LIMS2: variants seen among roughly 807,000 people sequenced by gnomAD.
LIMS2 encodes LIM zinc finger domain containing 2.
In LIMS2, 30 loss-of-function variants were observed where a neutral mutation model predicts 45.3. The ratio of observed to expected loss-of-function variants is 0.66; its 90% CI spans 0.50 to 0.90. The LOEUF (loss-of-function observed/expected upper bound fraction) is 0.90, where lower values mean the gene tolerates loss of function less well. Among genes scored for constraint, LIMS2 ranks in the 40% least tolerant of loss-of-function variants. LIMS2 has a pLI of 0.00. For missense variants in LIMS2, 485 were observed against 468.7 expected (o/e 1.03, Z -0.32); for synonymous variants, 173 against 188.0 (o/e 0.92, Z 0.65).
At position 127,653,522 on chromosome 2, in the gene LIMS2, G is replaced by A. The variant is rs1387381890; in HGVS notation, c.359+902C>T. 2.0e-5 allele frequency among the ~76,000 whole-genome samples: 3 copies of A among 152,186 alleles called. No individual in the cohort carries two copies. Among genetic ancestry groups the A allele is most frequent in the African/African-American group, 7.2e-5 (3 of 41,446 alleles). ...AGGGCTCTAGGATTCTGTCTGCAAG[G>A]GCAGCCATGAGGGCCGGGCACGGAG... On this transcript the variant is annotated intron_variant, in intron 4 of 9. Coordinates refer to ENST00000355119, the MANE Select transcript of LIMS2 (RefSeq NM_001161403.3). This position sits in a 1 kb window ranked among gnomAD's most constrained non-coding sequence, Gnocchi z 5.3.
At chr2:127,651,974 A>C in intron 4 of LIMS2, 1 of 603,020 alleles carries the variant, frequency 1.7e-6, no homozygotes. Flanking sequence ...GATGGCTACA[A>C]TGGCTCCTAG....
chr2:127,649,095 A>AAAAG (rs1219737598), intron 4 of LIMS2, among the ~76,000 whole-genome samples: 15 of 144,630 alleles, frequency 1.0e-4, no homozygotes, highest in Non-Finnish European at 1.7e-4. Context: ...AAAAAAGAAA[A>AAAAG]AAGAAAAGAA....
chr2:127,656,787 G>A lies in LIMS2; in HGVS notation c.171+616C>T, dbSNP rs540846460. Among the ~76,000 whole-genome samples the A allele has an allele frequency of 2.0e-5, 3 of 152,292 alleles. No homozygotes were observed. In the East Asian group the frequency reaches 5.8e-4, roughly 29 times the overall value. ...CACCCCGAGGTGGCTCCTGCCTCTT[G>A]CAGAGGGGAAGCCTATGGCTCCGTA... is the stretch of plus-strand genomic sequence containing the variant. On this transcript the variant is annotated intron_variant, in intron 2 of 9. Transcript: ENST00000355119.
chr2:127,647,940 C>T lies in LIMS2; in HGVS notation c.360-4868G>A, dbSNP rs924122999. 5.9e-6 allele frequency: 5 copies of T among 848,884 alleles called. No homozygotes were observed. The African/African-American group carries it at 9.1e-5, about 16-fold the overall frequency. The allele number at this position is 848,884 out of a possible 1,614,324, so 52.6% of individuals were successfully genotyped here. A position where few individuals can be genotyped will look rare whatever the true frequency, so the allele number is the denominator to read the frequency against. ...AGGCCCTGTCAAGGGCTGTGTTCCT[C>T]CCTCCTTTTACCTCTCCTCCACAGC... On this transcript the variant is annotated intron_variant, in intron 4 of 9. Transcript: ENST00000355119. The surrounding 1 kb of genome is among the most constrained non-coding windows in gnomAD (Gnocchi z 4.3).
intron 9 of LIMS2, 116 bp downstream of exon 9, chr2:127,639,954 T>C: frequency 1.8e-6 from 2 of 1,137,048 alleles, no homozygotes; most frequent in Non-Finnish European, 2.6e-6. Context: ...GGCTGCCCCT[T>C]GTCCCCACCA....
chr2:127,654,608 A>G lies in LIMS2; in HGVS notation c.239-64T>C, dbSNP rs1002805756. 3.1e-6 allele frequency: 5 copies of G among 1,608,224 alleles called. No individual in the cohort carries two copies. The African/African-American group carries it at 6.7e-5, about 21-fold the overall frequency. ...GCCTGTCCCCTCTTCGGACCCTCCCAAGCCCTGTCCACCTAGCACTCCGCC... is the reference window on the plus strand; with the variant it reads ...GCCTGTCCCCTCTTCGGACCCTCCCGAGCCCTGTCCACCTAGCACTCCGCC... On this transcript the variant is annotated intron_variant, in intron 3 of 9. Coordinates refer to ENST00000355119, the MANE Select transcript of LIMS2 (RefSeq NM_001161403.3).
chr2:127,661,103 C>T (rs779404710), intron 1 of LIMS2, among the ~76,000 whole-genome samples: 1 of 152,236 alleles, frequency 6.6e-6, no homozygotes, highest in Admixed American at 6.5e-5. Context: ...TGAGAGAACA[C>T]GCTTCCTGAC....
intron 1 of LIMS2, among the ~76,000 whole-genome samples, chr2:127,658,547 C>T (rs892513756): frequency 6.6e-6 from 1 of 152,190 alleles, no homozygotes. Flanking sequence ...AGGGGAAAAG[C>T]CCACAGTGAG....
intron 2 of LIMS2, 67 bp from the exon 3 acceptor site, chr2:127,654,963 T>G (rs756574403): frequency 6.1e-6 from 9 of 1,471,246 alleles, no homozygotes; most frequent in Non-Finnish European, 8.5e-6. Context: ...CCCAGGCCCT[T>G]GTTGGGTCAG....
chr2:127,668,733 TTTACTTACTAAAAAA>T (rs1384012871), intron 1 of LIMS2, among the ~76,000 whole-genome samples: 1 of 122,490 alleles, frequency 8.2e-6, no homozygotes, highest in African/African-American at 3.0e-5. Context: ...AAAATTACAA[TTTACTTACTAAAAAA>T]TTGTAAGTGT....
intron 6 of LIMS2, 56 bp from the exon 7 acceptor site, chr2:127,641,044 G>A (rs2105194474): frequency 7.0e-7 from 1 of 1,436,474 alleles, no homozygotes; most frequent in Non-Finnish European, 9.8e-7. Flanking sequence ...TGACCCCGAG[G>A]GACAGTGGTG....
chr2:127,672,756 C>T lies in LIMS2; in HGVS notation c.11+2258G>A, dbSNP rs971583733. ...GCAGACAGCATGGCCACACATGCCA[C>T]TCCAGGTCACTTTGGTGGCTCCCCA... On this transcript the variant is annotated intron_variant, in intron 1 of 9. Coordinates refer to ENST00000355119, the MANE Select transcript of LIMS2 (RefSeq NM_001161403.3). This position sits in a 1 kb window ranked among gnomAD's most constrained non-coding sequence, Gnocchi z 4.9. Among the ~76,000 whole-genome samples, 3 of 152,260 alleles carry T rather than the reference C, an allele frequency of 2.0e-5. No individual in the cohort carries two copies. The highest frequency in any genetic ancestry group is 7.2e-5 in the African/African-American group (3 of 41,472).
chr2:127,677,241 G>T (rs764730293), upstream of LIMS2, among the ~76,000 whole-genome samples: 1 of 152,216 alleles, frequency 6.6e-6, no homozygotes, highest in African/African-American at 2.4e-5. The surrounding 1 kb of genome is among the most constrained non-coding windows in gnomAD (Gnocchi z 5.0). Flanking sequence ...TATTTATACC[G>T]CATGGGCACT....
upstream of LIMS2, among the ~76,000 whole-genome samples, chr2:127,675,916 G>A (rs1685487476): frequency 3.3e-5 from 5 of 152,370 alleles, no homozygotes; most frequent in Admixed American, 2.6e-4. Context: ...CTAACTTGGC[G>A]AAAGATATTT....
upstream of LIMS2, among the ~76,000 whole-genome samples, chr2:127,679,494 G>A (rs1685569695): frequency 6.6e-6 from 1 of 152,098 alleles, no homozygotes; most frequent in African/African-American, 2.4e-5. The surrounding 1 kb of genome is among the most constrained non-coding windows in gnomAD (Gnocchi z 5.3). Flanking sequence ...TGACATGACA[G>A]CTGTCCTAGA....
At position 127,640,888 on chromosome 2, in the gene LIMS2, G is replaced by A. The variant is rs201334941; in HGVS notation, c.753+8C>T. 101 of 1,612,360 alleles carry A rather than the reference G, an allele frequency of 6.3e-5. No individual in the cohort carries two copies. Among genetic ancestry groups the A allele is most frequent in the Middle Eastern group, 5.0e-4 (3 of 5,958 alleles). On this transcript the variant is annotated splice_region_variant and intron_variant, in intron 7 of 9. Transcript: ENST00000355119. ...CCCGCATCCCTGAAGGTTCTGCACC[G>A]GGCTCACCTGGTTGTAGTGAGTCTC... is the stretch of plus-strand genomic sequence containing the variant.
intron 1 of LIMS2, among the ~76,000 whole-genome samples, chr2:127,659,441 G>A (rs1215778190): frequency 6.6e-6 from 1 of 152,112 alleles, no homozygotes; most frequent in Non-Finnish European, 1.5e-5. Flanking sequence ...TCCACGGGGC[G>A]AGCCAGGCAG....
At chr2:127,646,080 C>G (rs964416068) in intron 4 of LIMS2, 1 of 152,624 alleles carries the variant, frequency 6.6e-6, no homozygotes, top group East Asian at 1.9e-4. Context: ...AGGAATGAAG[C>G]AGCCTTTCAG....
chr2:127,640,827 C>G lies in LIMS2; in HGVS notation c.753+69G>C. 2.1e-6 allele frequency: 3 copies of G among 1,430,650 alleles called. No individual in the cohort carries two copies. In the East Asian group the frequency reaches 6.8e-5, roughly 33 times the overall value. The allele number at this position is 1,430,650 out of a possible 1,614,324, so 88.6% of individuals were successfully genotyped here. On this transcript the variant is annotated intron_variant, in intron 7 of 9. Transcript: ENST00000355119. ...TCCTGAGGGGGTGCCCACAGCCTCC[C>G]TTGCTCACGGCAGCTCTCCTGGCCA...
Sources: allele counts gnomAD v4.1 joint callset (sites outside exome capture counted in the v4.1 genomes callset), GRCh38; gene constraint gnomAD v4.1.1; non-coding constraint Gnocchi (gnomAD v3.1); transcripts MANE v1.5; gene names NCBI Gene and HGNC (gene_info 2026-07-23, HGNC 2026-07-21).